OR10G4: variants seen among roughly 807,000 people sequenced by gnomAD.
OR10G4 encodes olfactory receptor 10G4.
For synonymous variants in OR10G4, 130 were observed against 159.3 expected, an observed-to-expected ratio of 0.82 and a Z score of 1.39; for missense variants, 318 against 388.8, an observed-to-expected ratio of 0.82 and a Z score of 1.53.
At position 124,016,213 on chromosome 11, in the gene OR10G4, A is replaced by G; in HGVS notation, c.639A>G (p.Ile213Met). The G allele has an allele frequency of 2.5e-6, 4 of 1,614,202 alleles. No homozygotes were observed. The highest frequency in any genetic ancestry group is 3.4e-6 in the Non-Finnish European group (4 of 1,180,034). ...TGGCCTCAGGCTGCTTTGTCCTGAT[A>G]GTGCTGTCCTATGTGTCCATCGTCT... is the stretch of plus-strand genomic sequence containing the variant. The part of the protein sequence containing the change: ...GIVASGCFVL[I>M]VLSYVSIVCS... The change falls in exon 2 of 2, where the codon ATA becomes ATG. Residue 213 changes from isoleucine to methionine, a missense_variant. Ile to Met is a conservative substitution (Grantham distance 10). Transcript: ENST00000641722.
Position 124,016,276 on chromosome 11 carries a change from C to A in OR10G4, c.702C>A (p.Arg234=), listed in dbSNP as rs770764989. Residue 234 remains arginine (R), a synonymous_variant, in exon 2 of 2, where the codon CGC becomes CGA. Transcript: ENST00000641722. The part of the protein sequence containing the change: ...ILRIRTSDGR[R]RAFQTCASHC... ...GGATCCGCACCTCAGATGGGAGGCGCAGAGCCTTTCAGACCTGTGCCTCCC... is the reference window on the plus strand; with the variant it reads ...GGATCCGCACCTCAGATGGGAGGCGAAGAGCCTTTCAGACCTGTGCCTCCC... 1 of 1,614,056 alleles carries A rather than the reference C, an allele frequency of 6.2e-7. No individual in the cohort carries two copies. Among genetic ancestry groups the A allele is most frequent in the African/African-American group, 1.3e-5 (1 of 74,934 alleles).
Position 124,016,745 on chromosome 11 carries a change from A to C in OR10G4, c.*235A>C, listed in dbSNP as rs1041624063. 2.9e-6 allele frequency: 1 copy of C among 348,986 alleles called. No homozygotes were observed. The allele number at this position is 348,986 out of a possible 1,614,324, so 21.6% of individuals were successfully genotyped here. A position where few individuals can be genotyped will look rare whatever the true frequency, so the allele number is the denominator to read the frequency against. The stretch of plus-strand genomic sequence containing the variant: ...ACTCATTTCTCATCAATAGGTTTAT[A>C]TTAAGTTTAAAACATATTTTAATCA... On this transcript the variant is annotated 3_prime_UTR_variant, in exon 2 of 2. Transcript: ENST00000641722.
At chr11:124,015,328 C>A (rs1864005338) in intron 1 of OR10G4, 2 of 569,070 alleles carry the variant, frequency 3.5e-6, no homozygotes, top group Non-Finnish European at 6.2e-6. Flanking sequence ...TGTTTCTCTA[C>A]TTTCTTCTGC....
rs1312527467 is a variant in OR10G4 at position 124,017,960 on chromosome 11, A to G, written c.*1450A>G. 6.6e-6 allele frequency: 1 copy of G among 152,242 alleles called. No homozygotes were observed. Among genetic ancestry groups the G allele is most frequent in the Non-Finnish European group, 1.5e-5 (1 of 68,038 alleles). The allele number at this position is 152,242 out of a possible 1,614,324, so 9.4% of individuals were successfully genotyped here. A position where few individuals can be genotyped will look rare whatever the true frequency, so the allele number is the denominator to read the frequency against. The stretch of plus-strand genomic sequence containing the variant: ...TAGACTGATACATATTCGTATGACA[A>G]AGATGACACTGCAAAGCAATAAAGC... On this transcript the variant is annotated 3_prime_UTR_variant, in exon 2 of 2. Coordinates refer to ENST00000641722, the MANE Select transcript of OR10G4 (RefSeq NM_001004462.2).
rs943234783 is a variant in OR10G4 at position 124,018,640 on chromosome 11, T to C, written c.*2130T>C. On this transcript the variant is annotated 3_prime_UTR_variant, in exon 2 of 2. Transcript: ENST00000641722. ...GGTGGGTTCCAAGTCTTTGCTATTG[T>C]GAACAATGCTGCAATAAACATACAT... 3 of 152,212 alleles carry C rather than the reference T, an allele frequency of 2.0e-5. No individual in the cohort carries two copies. Among genetic ancestry groups the C allele is most frequent in the African/African-American group, 7.2e-5 (3 of 41,448 alleles). 9.4% of individuals were successfully genotyped at this position (152,212 alleles called of 1,614,324 possible).
chr11:124,014,905 CA>C (rs1294302320), intron 1 of OR10G4: 1 of 152,884 alleles, frequency 6.5e-6, no homozygotes, highest in East Asian at 1.9e-4. Context: ...ACCCCAATTA[CA>C]ATTATGTTAC....
Position 124,016,172 on chromosome 11 carries a change from G to A in OR10G4, c.598G>A (p.Val200Met). The A allele has an allele frequency of 1.2e-6, 2 of 1,614,190 alleles. No individual in the cohort carries two copies. Among genetic ancestry groups the A allele is most frequent in the Non-Finnish European group, 1.7e-6 (2 of 1,180,030 alleles). Residue 200 changes from valine (V) to methionine (M), a missense_variant, in exon 2 of 2, where the codon GTG becomes ATG. Coordinates refer to ENST00000641722, the MANE Select transcript of OR10G4 (RefSeq NM_001004462.2). ...DTSANVMVIF[V>M]DIGIVASGCF... ...CTCAGCCAACGTGATGGTCATCTTT[G>A]TGGACATTGGGATAGTGGCCTCAGG... is the stretch of plus-strand genomic sequence containing the variant.
At position 124,016,310 on chromosome 11, in the gene OR10G4, G is replaced by T. The variant is rs2137554054; in HGVS notation, c.736G>T (p.Val246Leu). The stretch of plus-strand genomic sequence containing the variant: ...TCAGACCTGTGCCTCCCACTGTATT[G>T]TGGTCCTTTGCTTCTTTGTTCCCTG... The part of the protein sequence containing the change: ...AFQTCASHCI[V>L]VLCFFVPCVV... Residue 246 changes from valine to leucine, a missense_variant, in exon 2 of 2, where the codon GTG becomes TTG. Transcript: ENST00000641722. 1 of 1,614,180 alleles carries T rather than the reference G, an allele frequency of 6.2e-7. No individual in the cohort carries two copies. Among genetic ancestry groups the T allele is most frequent in the South Asian group, 1.1e-5 (1 of 91,074 alleles).
Position 124,016,360 on chromosome 11 carries a change from C to T in OR10G4, c.786C>T (p.Gly262=), listed in dbSNP as rs200509014. The T allele has an allele frequency of 3.8e-5, 62 of 1,614,070 alleles. No individual in the cohort carries two copies. The highest frequency in any genetic ancestry group is 4.8e-5 in the Non-Finnish European group (57 of 1,180,034). The change falls in exon 2 of 2, where the codon GGC becomes GGT. Residue 262 remains glycine (G), a synonymous_variant. Coordinates refer to ENST00000641722, the MANE Select transcript of OR10G4 (RefSeq NM_001004462.2). ...GTGTTGTCATTTATCTGAGGCCAGG[C>T]TCCATGGATGCCATGGATGGAGTTG... ...VPCVVIYLRP[G]SMDAMDGVVA...
At chr11:124,013,249 T>C (rs1863986498) in intron 1 of OR10G4, 137 bp downstream of exon 1, 1 of 152,154 alleles carries the variant, frequency 6.6e-6, no homozygotes, top group African/African-American at 2.4e-5. Context: ...TTAATCAAGG[T>C]AGAGTGATGT....
chr11:124,014,066 C>T (rs998194330), intron 1 of OR10G4, among the ~76,000 whole-genome samples: 3 of 152,022 alleles, frequency 2.0e-5, no homozygotes, highest in African/African-American at 7.2e-5. Flanking sequence ...GTTCTTAGAA[C>T]CTCCCAGGGG....
At position 124,017,549 on chromosome 11, in the gene OR10G4, G is replaced by T. The variant is rs924665452; in HGVS notation, c.*1039G>T. 1 of 152,170 alleles carries T rather than the reference G, an allele frequency of 6.6e-6. No homozygotes were observed. Among genetic ancestry groups the T allele is most frequent in the African/African-American group, 2.4e-5 (1 of 41,428 alleles). 9.4% of individuals were successfully genotyped at this position (152,170 alleles called of 1,614,324 possible). The stretch of plus-strand genomic sequence containing the variant: ...CCCGGAGCTGAATTTAATTTTAAGC[G>T]ACATGTGTAAGACCACGACAATAGA... On this transcript the variant is annotated 3_prime_UTR_variant, in exon 2 of 2. Coordinates refer to ENST00000641722, the MANE Select transcript of OR10G4 (RefSeq NM_001004462.2).
rs1864041575 is a variant in OR10G4 at position 124,018,699 on chromosome 11, TC to T, written c.*2191del. On this transcript the variant is annotated 3_prime_UTR_variant, in exon 2 of 2. Transcript: ENST00000641722. ...GTCTTTATAGTAGCATGATTTATAA[TC>T]CTTTGGGTATATACCCAGTAACGGG... 1 of 152,164 alleles carries T rather than the reference TC, an allele frequency of 6.6e-6. No individual in the cohort carries two copies. The highest frequency in any genetic ancestry group is 1.5e-5 in the Non-Finnish European group (1 of 68,032). The allele number at this position is 152,164 out of a possible 1,614,324, so 9.4% of individuals were successfully genotyped here. A position where few individuals can be genotyped will look rare whatever the true frequency, so the allele number is the denominator to read the frequency against.
intron 1 of OR10G4, among the ~76,000 whole-genome samples, chr11:124,013,433 T>C (rs1427115419): frequency 6.6e-6 from 1 of 152,238 alleles, no homozygotes; most frequent in African/African-American, 2.4e-5. Context: ...GATTGGGTCC[T>C]GCTGGTACAG....
In OR10G4 at chr11:124,015,612, C is replaced by T. The variant is rs755453278; in HGVS notation, c.38C>T (p.Thr13Ile). 8.7e-6 allele frequency: 14 copies of T among 1,601,936 alleles called. No individual in the cohort carries two copies. Among genetic ancestry groups the T allele is most frequent in the Admixed American group, 6.9e-5 (4 of 57,596 alleles). ...AGCCTCGTGACAGCATTCATCCTCA[C>T]AGGCCTTCCCCATGCCCCAGGGCTG... is the stretch of plus-strand genomic sequence containing the variant. Reference protein sequence around the residue: ...NASLVTAFILTGLPHAPGLDA... With the variant: ...NASLVTAFILIGLPHAPGLDA... The change falls in exon 2 of 2, where the codon ACA becomes ATA. Residue 13 changes from threonine to isoleucine, a missense_variant. Coordinates refer to ENST00000641722, the MANE Select transcript of OR10G4 (RefSeq NM_001004462.2).
In OR10G4 at chr11:124,016,366, G is replaced by A. The variant is rs1348489325; in HGVS notation, c.792G>A (p.Met264Ile). ...TCATTTATCTGAGGCCAGGCTCCAT[G>A]GATGCCATGGATGGAGTTGTGGCCA... ...CVVIYLRPGS[M>I]DAMDGVVAIF... The change falls in exon 2 of 2, where the codon ATG becomes ATA. Residue 264 changes from methionine (M) to isoleucine (I), a missense_variant. Coordinates refer to ENST00000641722, the MANE Select transcript of OR10G4 (RefSeq NM_001004462.2). 1.9e-6 allele frequency: 3 copies of A among 1,614,078 alleles called. No homozygotes were observed. The highest frequency in any genetic ancestry group is 2.5e-6 in the Non-Finnish European group (3 of 1,180,038).
intron 1 of OR10G4, 50 bp from the exon 2 acceptor site, chr11:124,015,498 T>G: frequency 6.7e-7 from 1 of 1,492,802 alleles, no homozygotes; most frequent in Non-Finnish European, 9.1e-7. Flanking sequence ...GAGAATGGAT[T>G]CTCATTTCTC....
Position 124,017,527 on chromosome 11 carries a change from G to A in OR10G4, c.*1017G>A, listed in dbSNP as rs957187500. On this transcript the variant is annotated 3_prime_UTR_variant, in exon 2 of 2. Coordinates refer to ENST00000641722, the MANE Select transcript of OR10G4 (RefSeq NM_001004462.2). ...CCGATAGTGCTGAGGATGAGAACCCGGAGCTGAATTTAATTTTAAGCGACA... is the reference window on the plus strand; with the variant it reads ...CCGATAGTGCTGAGGATGAGAACCCAGAGCTGAATTTAATTTTAAGCGACA... 4 of 152,126 alleles carry A rather than the reference G, an allele frequency of 2.6e-5. No homozygotes were observed. Among genetic ancestry groups the A allele is most frequent in the Non-Finnish European group, 5.9e-5 (4 of 68,036 alleles). 9.4% of individuals were successfully genotyped at this position (152,126 alleles called of 1,614,324 possible). A position where few individuals can be genotyped will look rare whatever the true frequency, so the allele number is the denominator to read the frequency against.
chr11:124,015,998 C>T lies in OR10G4; in HGVS notation c.424C>T (p.Leu142Phe). The change falls in exon 2 of 2, where the codon CTC becomes TTC. Residue 142 changes from leucine (L) to phenylalanine (F), a missense_variant. Coordinates refer to ENST00000641722, the MANE Select transcript of OR10G4 (RefSeq NM_001004462.2). ...CATGATGAGTGGGAGCAGGTGTGCC[C>T]TCCTGGCCACCGGCACTTGGCTCAG... ...TSMMSGSRCALLATGTWLSGS... is the reference protein window; with the variant it reads ...TSMMSGSRCAFLATGTWLSGS... The T allele has an allele frequency of 6.2e-7, 1 of 1,613,952 alleles. No individual in the cohort carries two copies. Among genetic ancestry groups the T allele is most frequent in the Non-Finnish European group, 8.5e-7 (1 of 1,179,904 alleles).
Sources: gnomAD v4.1 joint callset for allele counts (sites outside exome capture counted in the v4.1 genomes callset) on GRCh38, gnomAD v4.1.1 for gene constraint, MANE v1.5 for transcripts, NCBI Gene and HGNC (gene_info 2026-07-23, HGNC 2026-07-21) for gene names.